The following PXDN variants were observed in gnomAD, a reference collection of about 807,000 sequenced individuals.
The protein encoded by PXDN is peroxidasin homolog.
A neutral mutation model predicts 140.3 loss-of-function variants in PXDN; 77 were observed. That is an observed-to-expected ratio of 0.55 (90% CI 0.46 to 0.66). The LOEUF (loss-of-function observed/expected upper bound fraction) is 0.66, where lower values mean the gene tolerates loss of function less well. PXDN is among the 30% of genes least tolerant of loss of function. The pLI, the probability that PXDN is intolerant of heterozygous loss-of-function variation, is 0.00. For synonymous variants in PXDN, 911 were observed against 857.4 expected, an observed-to-expected ratio of 1.06 and a Z score of -1.09; for missense variants, 1,838 against 2,039.5, an observed-to-expected ratio of 0.90 and a Z score of 1.90.
chr2:1,708,215 G>A (rs901721172), intron 1 of PXDN, among the ~76,000 whole-genome samples: 3 of 152,224 alleles, frequency 2.0e-5, no homozygotes, highest in Admixed American at 6.5e-5. Context: ...GTCTCATCAC[G>A]CACCCTCTGT....
At chr2:1,737,329 A>C (rs1685444287) in intron 1 of PXDN, among the ~76,000 whole-genome samples, 1 of 151,894 alleles carries the variant, frequency 6.6e-6, no homozygotes, top group Non-Finnish European at 1.5e-5. Flanking sequence ...AAACCAATGA[A>C]CACAGCAGTG....
intron 1 of PXDN, among the ~76,000 whole-genome samples, chr2:1,697,416 TACTTAAATTTAAGTGCC>T (rs1205062715): frequency 6.6e-6 from 1 of 152,198 alleles, no homozygotes; most frequent in Non-Finnish European, 1.5e-5. Context: ...AATTAAAAAG[TACTTAAATTTAAGTGCC>T]ACATGTAAGT....
At chr2:1,663,829 A>ACCACAGTCACATGCCACAGACCCT in intron 11 of PXDN, 66 bp from the exon 12 acceptor site, 1 of 1,567,604 alleles carries the variant, frequency 6.4e-7, no homozygotes, top group Non-Finnish European at 8.6e-7. Flanking sequence ...TCTCAGACTG[A>ACCACAGTCACATGCCACAGACCCT]CAGCATGACC....
At chr2:1,657,206 C>T (rs1031692772) in intron 14 of PXDN, among the ~76,000 whole-genome samples, 2 of 151,338 alleles carry the variant, frequency 1.3e-5, no homozygotes, top group Non-Finnish European at 2.9e-5. Flanking sequence ...GGGACCTGCC[C>T]CCTCCTGACT....
At chr2:1,705,175 G>A (rs1684563816) in intron 1 of PXDN, among the ~76,000 whole-genome samples, 1 of 151,968 alleles carries the variant, frequency 6.6e-6, no homozygotes. Context: ...AGCCGTGAGA[G>A]CAGAGCATGT....
At chr2:1,732,614 G>A (rs1685336839) in intron 1 of PXDN, among the ~76,000 whole-genome samples, 1 of 152,168 alleles carries the variant, frequency 6.6e-6, no homozygotes. Flanking sequence ...CATCTTAAAA[G>A]CAAGACCTTA....
At chr2:1,717,799 C>A (rs1216572769) in intron 1 of PXDN, among the ~76,000 whole-genome samples, 2 of 151,596 alleles carry the variant, frequency 1.3e-5, no homozygotes, top group African/African-American at 4.9e-5. Context: ...GCTAAGCGAC[C>A]ACCCAAAGCT....
chr2:1,638,388 G>A (rs12714331), intron 21 of PXDN, among the ~76,000 whole-genome samples: 129,773 of 152,096 alleles, frequency 0.85, 56,183 homozygotes, highest in East Asian at 1. Context: ...CCCTGTGGTC[G>A]TACCACAGAC....
intron 14 of PXDN, among the ~76,000 whole-genome samples, chr2:1,655,103 GAC>G (rs1683099274): frequency 1.3e-5 from 2 of 149,068 alleles, no homozygotes; most frequent in Non-Finnish European, 3.0e-5. Context: ...ATTATACACA[GAC>G]ACACACACTA....
At chr2:1,720,685 TTCTC>T (rs371897369) in intron 1 of PXDN, among the ~76,000 whole-genome samples, 3 of 37,976 alleles carry the variant, frequency 7.9e-5, no homozygotes, top group African/African-American at 1.4e-4. Flanking sequence ...CTGCATCTCT[TTCTC>T]TCTCTCTCTG....
chr2:1,691,980 T>C lies in PXDN; in HGVS notation c.292A>G (p.Ile98Val). ...AATGCTCCACTAGGTATCCTCTTGA[T>C]CTGATTATTATTGAGAAGCCTATGA... ...LNTLLLNNNQ[I>V]KRIPSGAFED... Residue 98 changes from isoleucine (I) to valine (V), a missense_variant, in exon 3 of 23, where the codon ATC (isoleucine) becomes GTC (valine). Physicochemically the swap from Ile to Val is conservative, Grantham distance 29. Around this residue, in one of 5 missense-constraint regions of PXDN, gnomAD observed 231 missense variants for 201.5 expected, o/e 1.15. Coordinates refer to ENST00000252804, the MANE Select transcript of PXDN (RefSeq NM_012293.3). 1 of 1,528,414 alleles carries C rather than the reference T, an allele frequency of 6.5e-7. No individual in the cohort carries two copies. Among genetic ancestry groups the C allele is most frequent in the Non-Finnish European group, 8.8e-7 (1 of 1,132,948 alleles). 94.7% of individuals were successfully genotyped at this position (1,528,414 alleles called of 1,614,324 possible).
chr2:1,676,631 C>A (rs987021970), intron 8 of PXDN: 3 of 455,244 alleles, frequency 6.6e-6, no homozygotes, highest in Non-Finnish European at 8.0e-6. Flanking sequence ...AGAGAACAAC[C>A]AGCATGCTCT....
chr2:1,693,104 G>T lies in PXDN; in HGVS notation c.231C>A (p.Ile77=). Residue 77 remains isoleucine, a synonymous_variant, in exon 2 of 23, where the codon ATC becomes ATA. Coordinates refer to ENST00000252804, the MANE Select transcript of PXDN (RefSeq NM_012293.3). Reference sequence around the variant, plus strand: ...TCAGCCGCCTGAATGCCCCAGGTTGGATCTCTCTGATTCTGTTAAAGCGAA... The same window carrying T: ...TCAGCCGCCTGAATGCCCCAGGTTGTATCTCTCTGATTCTGTTAAAGCGAA... ...LDLRFNRIRE[I]QPGAFRRLRN... 2 of 1,558,560 alleles carry T rather than the reference G, an allele frequency of 1.3e-6. No individual in the cohort carries two copies. Among genetic ancestry groups the T allele is most frequent in the Middle Eastern group, 1.7e-4 (1 of 5,996 alleles).
chr2:1,730,861 C>T (rs1440692583), intron 1 of PXDN, among the ~76,000 whole-genome samples: 2 of 152,120 alleles, frequency 1.3e-5, no homozygotes, highest in East Asian at 1.9e-4. Flanking sequence ...CCATTCTACC[C>T]TTAGCGCAAT....
At chr2:1,652,008 C>A (rs1233832018) in intron 16 of PXDN, among the ~76,000 whole-genome samples, 4 of 152,234 alleles carry the variant, frequency 2.6e-5, no homozygotes, top group African/African-American at 9.6e-5. Context: ...CACCTAACTG[C>A]TGCTTGGGTA....
Position 1,660,059 on chromosome 2 carries a change from G to T in PXDN, c.1837+822C>A, listed in dbSNP as rs1683267117. Among the ~76,000 whole-genome samples the T allele has an allele frequency of 6.6e-6, 1 of 152,202 alleles. No individual in the cohort carries two copies. The highest frequency in any genetic ancestry group is 2.4e-5 in the African/African-American group (1 of 41,454). ...GGGGGTTTGTGCGCGTTCTCAGAGT[G>T]TTGCTAACTCTAGGGGGACAGAGCA... On this transcript the variant is annotated intron_variant, in intron 14 of 22. Coordinates refer to ENST00000252804, the MANE Select transcript of PXDN (RefSeq NM_012293.3). This position sits in a 1 kb window ranked among gnomAD's most constrained non-coding sequence, Gnocchi z 4.6.
chr2:1,712,533 G>A (rs1319910995), intron 1 of PXDN, among the ~76,000 whole-genome samples: 2 of 152,150 alleles, frequency 1.3e-5, no homozygotes, highest in African/African-American at 2.4e-5. Flanking sequence ...ATTCCAAACA[G>A]GCAGAAAGGG....
rs7597512 is a variant in PXDN, at chr2:1,658,085, T to C, written c.1837+2796A>G. Reference sequence around the variant, plus strand: ...CTCTCTCTCTCTCTCTCTCTCTCTCTCTCTCTCTGTTACAGTGTCTGCGTG... The same window carrying C: ...CTCTCTCTCTCTCTCTCTCTCTCTCCCTCTCTCTGTTACAGTGTCTGCGTG... On this transcript the variant is annotated intron_variant, in intron 14 of 22. Coordinates refer to ENST00000252804, the MANE Select transcript of PXDN (RefSeq NM_012293.3). Among the ~76,000 whole-genome samples the C allele has an allele frequency of 4.2e-4, 51 of 122,314 alleles. 6 individuals are homozygous for C. The highest frequency in any genetic ancestry group is 1.2e-3 in the African/African-American group (38 of 31,158). The allele number at this position is 122,314 out of a possible 152,430, so 80.2% of individuals were successfully genotyped here. A position where few individuals can be genotyped will look rare whatever the true frequency, so the allele number is the denominator to read the frequency against.
chr2:1,663,835 T>TGA (rs1683367523), intron 11 of PXDN, 72 bp from the exon 12 acceptor site: 1 of 1,554,766 alleles, frequency 6.4e-7, no homozygotes, highest in African/African-American at 1.3e-5. Context: ...ACTGACAGCA[T>TGA]GACCACAGAA....
Sources: gnomAD v4.1 joint callset for allele counts (sites outside exome capture counted in the v4.1 genomes callset) on GRCh38, gnomAD v4.1.1 for gene constraint, gnomAD v4.1.1 regional missense constraint, Gnocchi (gnomAD v3.1) non-coding constraint, MANE v1.5 for transcripts, NCBI Gene and HGNC (gene_info 2026-07-23, HGNC 2026-07-21) for gene names.